The following RSU1 variants were observed in gnomAD, a reference collection of about 807,000 sequenced individuals.
RSU1 encodes the protein rsu-1.
RSU1 carries 26 observed loss-of-function variants against 31.1 expected under a neutral mutation model. The ratio of observed to expected loss-of-function variants is 0.84; its 90% confidence interval spans 0.61 to 1.16. The LOEUF (loss-of-function observed/expected upper bound fraction) is 1.16, where lower values mean the gene tolerates loss of function less well. RSU1 is among the 50% of genes most tolerant of loss of function. The pLI is 0.00. For synonymous variants in RSU1, 164 were observed against 136.3 expected, an observed-to-expected ratio of 1.20 and a Z score of -1.41; for missense variants, 320 against 339.1, an observed-to-expected ratio of 0.94 and a Z score of 0.44.
At position 16,606,624 on chromosome 10, in the gene RSU1, G is replaced by A. The variant is rs369467164; in HGVS notation, c.732-13128C>T. Among the ~76,000 whole-genome samples the A allele has an allele frequency of 3.0e-4, 45 of 152,264 alleles. No homozygotes were observed. The South Asian group carries it at 8.7e-3, about 30-fold the overall frequency. On this transcript the variant is annotated intron_variant, in intron 8 of 8. Coordinates refer to ENST00000345264, the MANE Select transcript of RSU1 (RefSeq NM_012425.4). ...GATTCCTGTAGTGTGCACACAGGAA[G>A]CTTCTCTGCCACGTTGTATATACTA...
intron 8 of RSU1, among the ~76,000 whole-genome samples, chr10:16,657,375 G>C (rs1186231085): frequency 6.6e-6 from 1 of 152,154 alleles, no homozygotes; most frequent in Non-Finnish European, 1.5e-5. Flanking sequence ...GGTAGTAAGA[G>C]TATGTACGAA....
intron 3 of RSU1, chr10:16,767,436 T>C (rs1837336086): frequency 6.6e-6 from 1 of 152,236 alleles, no homozygotes; most frequent in Admixed American, 6.5e-5. Flanking sequence ...ATGCTAAATG[T>C]GATTTAGGGC....
intron 2 of RSU1, among the ~76,000 whole-genome samples, chr10:16,806,129 T>A (rs1310656159): frequency 6.6e-6 from 1 of 152,200 alleles, no homozygotes; most frequent in Non-Finnish European, 1.5e-5. Flanking sequence ...AAACTATGTG[T>A]AAGTATTTTG....
rs1410887372 is a variant in RSU1, at chr10:16,752,534, C to T, written c.598+5G>A. The T allele has an allele frequency of 1.2e-6, 2 of 1,606,282 alleles. No homozygotes were observed. Among genetic ancestry groups the T allele is most frequent in the Non-Finnish European group, 1.7e-6 (2 of 1,172,924 alleles). Reference sequence around the variant, plus strand: ...AGAACTAAGTTCATTCATCAGCAACCTTACCTAGTTCTGGGGGCAGAACGG... The same window carrying T: ...AGAACTAAGTTCATTCATCAGCAACTTTACCTAGTTCTGGGGGCAGAACGG... On this transcript the variant is annotated splice_donor_5th_base_variant and intron_variant, in intron 7 of 8. Transcript: ENST00000345264.
chr10:16,765,605 T>A (rs1011846020), intron 3 of RSU1, among the ~76,000 whole-genome samples: 7 of 152,226 alleles, frequency 4.6e-5, no homozygotes, highest in Admixed American at 3.9e-4. Flanking sequence ...GGAGTTTCCA[T>A]AGACTGTAAT....
At chr10:16,810,322 A>G (rs1838382816) in intron 2 of RSU1, among the ~76,000 whole-genome samples, 2 of 152,264 alleles carry the variant, frequency 1.3e-5, no homozygotes, top group African/African-American at 4.8e-5. Flanking sequence ...ATAAAAAAAT[A>G]CATTCAATAA....
chr10:16,695,157 T>TGCGGGG lies in RSU1; in HGVS notation c.599-3_599-2insCCCCGC. ...TCTGGCCAGTTAAATCCAAGTTTCC[T>TGCGGGG]GGGGGGGGGGAAAAAAAAAGTGAAG... On this transcript the variant is annotated splice_polypyrimidine_tract_variant and splice_region_variant and intron_variant, in intron 7 of 8. Transcript: ENST00000345264. The TGCGGGG allele has an allele frequency of 8.3e-7, 1 of 1,202,572 alleles. No homozygotes were observed. The allele number at this position is 1,202,572 out of a possible 1,614,324, so 74.5% of individuals were successfully genotyped here. A position where few individuals can be genotyped will look rare whatever the true frequency, so the allele number is the denominator to read the frequency against.
At chr10:16,721,848 A>T (rs1836270787) in intron 7 of RSU1, 1 of 152,218 alleles carries the variant, frequency 6.6e-6, no homozygotes, top group Non-Finnish European at 1.5e-5. Context: ...CAGTTGCCTC[A>T]TCTAAAAATA....
At chr10:16,652,319 G>A (rs893820142) in intron 8 of RSU1, among the ~76,000 whole-genome samples, 1 of 137,270 alleles carries the variant, frequency 7.3e-6, no homozygotes, top group Non-Finnish European at 1.5e-5. Flanking sequence ...AAAGGAGGCT[G>A]ATTGAGAAAG....
At chr10:16,656,367 T>C (rs571355322) in intron 8 of RSU1, among the ~76,000 whole-genome samples, 3 of 152,360 alleles carry the variant, frequency 2.0e-5, no homozygotes, top group East Asian at 1.9e-4. Context: ...TTCAATCATA[T>C]TGTTGCATTG....
intron 7 of RSU1, among the ~76,000 whole-genome samples, chr10:16,751,553 C>A (rs1159548893): frequency 6.6e-6 from 1 of 152,206 alleles, no homozygotes; most frequent in Non-Finnish European, 1.5e-5. Context: ...GTCCTGTCAT[C>A]CAAGGTCCTT....
intron 4 of RSU1, among the ~76,000 whole-genome samples, chr10:16,757,346 G>A (rs898924232): frequency 6.6e-6 from 1 of 152,024 alleles, no homozygotes; most frequent in Admixed American, 6.6e-5. Context: ...AACACATTCA[G>A]CTCCATCCAG....
intron 2 of RSU1, among the ~76,000 whole-genome samples, chr10:16,792,352 C>A (rs1837940670): frequency 6.6e-6 from 1 of 152,204 alleles, no homozygotes; most frequent in African/African-American, 2.4e-5. Context: ...CCTGCCTCGG[C>A]CTCCCGAGTA....
intron 2 of RSU1, among the ~76,000 whole-genome samples, chr10:16,812,306 G>C (rs1172367474): frequency 6.6e-6 from 1 of 152,194 alleles, no homozygotes; most frequent in Non-Finnish European, 1.5e-5. Flanking sequence ...GCCAGGTGTG[G>C]TGGCGCACGC....
intron 8 of RSU1, among the ~76,000 whole-genome samples, chr10:16,613,920 A>G (rs1344339050): frequency 6.6e-6 from 1 of 152,172 alleles, no homozygotes; most frequent in Non-Finnish European, 1.5e-5. Context: ...TACATGAAAC[A>G]ATCTATTGCC....
At chr10:16,737,665 G>A (rs577367295) in intron 7 of RSU1, among the ~76,000 whole-genome samples, 112 of 151,932 alleles carry the variant, frequency 7.4e-4, no homozygotes, top group Non-Finnish European at 1.3e-3. Context: ...ATCAAGGAAA[G>A]AAGAGCATCA....
At chr10:16,602,267 T>C (rs1490622156) in intron 8 of RSU1, among the ~76,000 whole-genome samples, 2 of 152,212 alleles carry the variant, frequency 1.3e-5, no homozygotes, top group African/African-American at 4.8e-5. Flanking sequence ...GACCTTGGCA[T>C]GTTACCTCAA....
chr10:16,744,131 C>CAAAA (rs199565122), intron 7 of RSU1, among the ~76,000 whole-genome samples: 1 of 114,962 alleles, frequency 8.7e-6, no homozygotes. Flanking sequence ...GACTCTGTCT[C>CAAAA]AAAAAAAAAA....
At chr10:16,814,977 G>T (rs114457162) in intron 2 of RSU1, among the ~76,000 whole-genome samples, 87 of 152,364 alleles carry the variant, frequency 5.7e-4, no homozygotes, top group African/African-American at 2.0e-3. Context: ...TCTGCTGAAA[G>T]CAGCCTCTCT....
Sources: allele counts gnomAD v4.1 joint callset (sites outside exome capture counted in the v4.1 genomes callset), GRCh38; gene constraint gnomAD v4.1.1; transcripts MANE v1.5; gene names NCBI Gene and HGNC (gene_info 2026-07-23, HGNC 2026-07-21).